Variants in CHD4 observed in about 807,000 individuals in gnomAD.
CHD4 encodes ATP-dependent chromatin remodeler CHD4.
In CHD4, 35 loss-of-function variants were observed where a neutral mutation model predicts 235.5. The observed-to-expected ratio is 0.15, with a 90% CI of 0.11 to 0.20. CHD4 has a LOEUF of 0.20. Among genes scored for constraint, CHD4 ranks in the 10% least tolerant of loss-of-function variants. The probability of loss-of-function intolerance (pLI) is 1.00; values close to 1 mark genes in which losing one functional copy is unlikely to be tolerated. For missense variants in CHD4, 1,329 were observed against 2,432.3 expected, an observed-to-expected ratio of 0.55 and a Z score of 9.54; for synonymous variants, 900 against 850.2, an observed-to-expected ratio of 1.06 and a Z score of -1.02.
At chr12:6,601,551 A>G in intron 5 of CHD4, 21 bp from the exon 6 acceptor site, 1 of 1,614,042 alleles carries the variant, frequency 6.2e-7, no homozygotes, top group Non-Finnish European at 8.5e-7. Context: ...AATGCACAAG[A>G]GCAGAGGGAA....
intron 38 of CHD4, among the ~76,000 whole-genome samples, chr12:6,572,457 A>G (rs1363518075): frequency 6.6e-6 from 1 of 150,708 alleles, no homozygotes; most frequent in African/African-American, 2.4e-5. Context: ...GTGGCCAGGT[A>G]CAGTGGCACA....
chr12:6,583,292 A>G lies in CHD4; in HGVS notation c.3966T>C (p.Tyr1322=), dbSNP rs772395098. The change falls in exon 26 of 40, where the codon TAT becomes TAC. Residue 1322 remains tyrosine, a synonymous_variant. Transcript: ENST00000544040. ...GGGCTAGATCTTCTTGCTGCTGCTCATAATGGTGCCGCAGCAATTTCTCCC... is the reference window on the plus strand; with the variant it reads ...GGGCTAGATCTTCTTGCTGCTGCTCGTAATGGTGCCGCAGCAATTTCTCCC... The part of the protein sequence containing the change: ...DYWEKLLRHH[Y]EQQQEDLARN... The G allele has an allele frequency of 1.2e-6, 2 of 1,614,114 alleles. No homozygotes were observed. The highest frequency in any genetic ancestry group is 2.2e-5 in the East Asian group (1 of 44,878).
At chr12:6,572,497 G>A (rs953912525) in intron 38 of CHD4, among the ~76,000 whole-genome samples, 1 of 151,914 alleles carries the variant, frequency 6.6e-6, no homozygotes, top group African/African-American at 2.4e-5. Flanking sequence ...TCAGGAGGCT[G>A]AGGCCGGAGG....
Position 6,582,705 on chromosome 12 carries a change from G to C in CHD4, c.4280C>G (p.Ala1427Gly). 4 of 1,614,146 alleles carry C rather than the reference G, an allele frequency of 2.5e-6. No homozygotes were observed. Among genetic ancestry groups the C allele is most frequent in the Non-Finnish European group, 3.4e-6 (4 of 1,180,030 alleles). ...NARQRKAFLN[A>G]IMRYGMPPQD... The stretch of plus-strand genomic sequence containing the variant: ...AGGTGGCATACCATATCGCATAATT[G>C]CATTAAGAAAGGCTTTTCGCTGACG... The change falls in exon 29 of 40, where the codon GCA becomes GGA. Residue 1427 changes from alanine to glycine, a missense_variant. Ala to Gly is a moderately conservative substitution (Grantham distance 60). This residue lies in a region of CHD4 where 48 missense variants were observed against 109.6 expected (regional missense o/e 0.44). Coordinates refer to ENST00000544040, the MANE Select transcript of CHD4 (RefSeq NM_001273.5).
rs775516175 is a variant in CHD4 at position 6,600,193 on chromosome 12, G to A, written c.1242+24C>T. 3.1e-6 allele frequency: 5 copies of A among 1,612,274 alleles called. No individual in the cohort carries two copies. In the Admixed American group the frequency reaches 8.3e-5, roughly 27 times the overall value. On this transcript the variant is annotated intron_variant, in intron 9 of 39. Coordinates refer to ENST00000544040, the MANE Select transcript of CHD4 (RefSeq NM_001273.5). ...CACCCTTCTTCTCATGGGTTCCAAG[G>A]GGCCACAATGGCCAGACACTCACGC...
intron 10 of CHD4, 94 bp from the exon 11 acceptor site, chr12:6,598,519 T>A: frequency 9.0e-7 from 1 of 1,112,264 alleles, no homozygotes. Context: ...ACGATTCAGA[T>A]CTCATTTCAG....
At chr12:6,585,703 T>C (rs554127261) in intron 25 of CHD4, among the ~76,000 whole-genome samples, 32 of 151,084 alleles carry the variant, frequency 2.1e-4, no homozygotes, top group African/African-American at 7.5e-4. Context: ...GCAAGAGAAC[T>C]GCTTGAACCC....
At chr12:6,577,699 C>T in intron 37 of CHD4, 86 bp downstream of exon 37, 1 of 1,554,646 alleles carries the variant, frequency 6.4e-7, no homozygotes, top group Non-Finnish European at 8.8e-7. Flanking sequence ...GAACAGTGCG[C>T]TGGATGGACA....
Position 6,597,734 on chromosome 12 carries a change from C to A in CHD4, c.1892+160G>T, listed in dbSNP as rs180954439. Among the ~76,000 whole-genome samples the A allele has an allele frequency of 6.5e-3, 989 of 152,312 alleles. 7 individuals are homozygous for A. Among genetic ancestry groups the A allele is most frequent in the Non-Finnish European group, 0.01 (689 of 68,022 alleles). ...TGAGCCGAGATCACGCCACTGCACT[C>A]CAGCCTGGGCACAGAGTGAGACTCT... On this transcript the variant is annotated intron_variant, in intron 12 of 39. Coordinates refer to ENST00000544040, the MANE Select transcript of CHD4 (RefSeq NM_001273.5).
At chr12:6,581,261 A>G (rs769254265) in intron 32 of CHD4, 30 bp downstream of exon 32, 2 of 1,613,808 alleles carry the variant, frequency 1.2e-6, no homozygotes, top group Admixed American at 1.7e-5. Flanking sequence ...ATTTGTCTTT[A>G]GTATGGCATT....
chr12:6,576,788 C>T (rs991958861), intron 37 of CHD4, among the ~76,000 whole-genome samples: 3 of 152,210 alleles, frequency 2.0e-5, no homozygotes, highest in Admixed American at 6.5e-5. Flanking sequence ...TACACATGTG[C>T]TCCTACTTGA....
chr12:6,583,000 A>G (rs757174814), intron 27 of CHD4, 27 bp downstream of exon 27: 2 of 1,589,680 alleles, frequency 1.3e-6, no homozygotes, highest in Non-Finnish European at 1.7e-6. Context: ...ACATTTAGAA[A>G]AGCAACAAAA....
At chr12:6,600,692 G>C in intron 7 of CHD4, 23 bp from the exon 8 acceptor site, 2 of 1,613,190 alleles carry the variant, frequency 1.2e-6, no homozygotes, top group Admixed American at 1.7e-5. Context: ...AAAAGAATAA[G>C]GTTAGACGTT....
rs371336037 is a variant in CHD4 at position 6,598,325 on chromosome 12, T to C, written c.1583A>G (p.Asn528Ser). The change falls in exon 11 of 40, where the codon AAC becomes AGC. Residue 528 changes from asparagine (N) to serine (S), a missense_variant. This residue lies in a region of CHD4 where 45 missense variants were observed against 47.5 expected (regional missense o/e 0.95). Transcript: ENST00000544040. The stretch of plus-strand genomic sequence containing the variant: ...CTCCAAGGGCTTTGGGGAGGGCGTG[T>C]TGGGATCAGCATCTGGAGGCCGAGG... ...PVPRPPDADPNTPSPKPLEGR... is the reference protein window; with the variant it reads ...PVPRPPDADPSTPSPKPLEGR... The C allele has an allele frequency of 2.4e-5, 38 of 1,614,028 alleles. No individual in the cohort carries two copies. Among genetic ancestry groups the C allele is most frequent in the Middle Eastern group, 1.6e-4 (1 of 6,084 alleles).
Position 6,601,262 on chromosome 12 carries a change from C to T in CHD4, c.799+27G>A, listed in dbSNP as rs779242443. ...ACATCTTAAGCCCACACTAGACACC[C>T]CCACTCCCATTTGAACCCCATTTCA... On this transcript the variant is annotated intron_variant, in intron 6 of 39. Transcript: ENST00000544040. 3.7e-6 allele frequency: 6 copies of T among 1,609,068 alleles called. No individual in the cohort carries two copies. In the Admixed American group the frequency reaches 8.3e-5, roughly 22 times the overall value.
chr12:6,581,860 G>A (rs1377053269), intron 30 of CHD4, 46 bp from the exon 31 acceptor site: 3 of 1,492,874 alleles, frequency 2.0e-6, no homozygotes, highest in Non-Finnish European at 1.8e-6. Flanking sequence ...CCAGCTACAG[G>A]CTCCTTTCCT....
At chr12:6,587,052 G>A in intron 25 of CHD4, 1 of 236,600 alleles carries the variant, frequency 4.2e-6, no homozygotes, top group Non-Finnish European at 8.2e-6. Context: ...GATTACCTAG[G>A]ATCTTCTGCC....
Position 6,593,452 on chromosome 12 carries a change from A to G in CHD4, c.2478T>C (p.Asn826=). ...AGGCCTTCTTGCCACCACGAATGGC[A>G]TTGTCTTCAAAGGAGAACTCATTCT... ...IRENEFSFED[N]AIRGGKKASR... Residue 826 remains asparagine (N), a synonymous_variant, in exon 16 of 40, where the codon AAT becomes AAC. Transcript: ENST00000544040. This position sits in a 1 kb window ranked among gnomAD's most constrained non-coding sequence, Gnocchi z 4.9. 1.2e-6 allele frequency: 2 copies of G among 1,614,128 alleles called. No homozygotes were observed. Among genetic ancestry groups the G allele is most frequent in the Non-Finnish European group, 1.7e-6 (2 of 1,180,030 alleles).
chr12:6,577,954 A>C, intron 36 of CHD4, 37 bp from the exon 37 acceptor site: 1 of 1,612,816 alleles, frequency 6.2e-7, no homozygotes, highest in South Asian at 1.1e-5. Flanking sequence ...AAAACAAGGA[A>C]AGTAAGAACC....
Sources: allele counts gnomAD v4.1 joint callset (sites outside exome capture counted in the v4.1 genomes callset), GRCh38; gene constraint gnomAD v4.1.1; regional missense constraint gnomAD v4.1.1; non-coding constraint Gnocchi (gnomAD v3.1); transcripts MANE v1.5; gene names NCBI Gene and HGNC (gene_info 2026-07-23, HGNC 2026-07-21).